Variants in DCX observed in about 807,000 individuals in gnomAD.
The protein encoded by DCX is doublecortin, also known as neuronal migration protein doublecortin.
DCX carries 4 observed loss-of-function variants against 20.9 expected under a neutral mutation model. The ratio of observed to expected loss-of-function variants is 0.19; its 90% CI spans 0.09 to 0.44. The LOEUF (loss-of-function observed/expected upper bound fraction) is 0.44, where lower values mean the gene tolerates loss of function less well. DCX is among the 20% of genes least tolerant of loss of function. The pLI is 0.99. For missense variants in DCX, 133 were observed against 296.9 expected (o/e 0.45, Z 4.06); for synonymous variants, 103 against 111.4 (o/e 0.92, Z 0.47).
intron 3 of DCX, among the ~76,000 whole-genome samples, chrX:111,360,455 T>C (rs746180212): frequency 7.6e-4 from 84 of 110,770 alleles, no homozygotes; most frequent in African/African-American, 2.6e-3. Context: ...GGAAGGGTAG[T>C]GGGGGTGGGG....
At chrX:111,396,775 C>T (rs922407278) in intron 3 of DCX, among the ~76,000 whole-genome samples, 2 of 111,829 alleles carry the variant, frequency 1.8e-5, no homozygotes, top group Non-Finnish European at 1.9e-5. Context: ...TATGCATCAC[C>T]ATCCAATCCT....
At chrX:111,373,471 G>A (rs760820695) in intron 3 of DCX, among the ~76,000 whole-genome samples, 1 of 111,971 alleles carries the variant, frequency 8.9e-6, no homozygotes, top group African/African-American at 3.2e-5. Context: ...GATGGTGTTT[G>A]TCGTCATTCG....
At chrX:111,375,648 A>G (rs1288761905) in intron 3 of DCX, among the ~76,000 whole-genome samples, 1 of 111,567 alleles carries the variant, frequency 9.0e-6, no homozygotes, top group African/African-American at 3.3e-5. Flanking sequence ...AAGCAAAAAC[A>G]TACTTTACAT....
In DCX at chrX:111,298,646, A is replaced by T. The variant is rs1047672876; in HGVS notation, c.*3041T>A. ...GTGTCTCGGTTTCCTGGCCTGAAGA[A>T]TGAGAAATTTGGAGTAGAGGAGTAG... On this transcript the variant is annotated 3_prime_UTR_variant, in exon 7 of 7. Coordinates refer to ENST00000636035, the MANE Select transcript of DCX (RefSeq NM_001195553.2). 1 of 112,011 alleles carries T rather than the reference A, an allele frequency of 8.9e-6. No individual in the cohort carries two copies. Among genetic ancestry groups the T allele is most frequent in the Non-Finnish European group, 1.9e-5 (1 of 53,186 alleles). 9.2% of individuals were successfully genotyped at this position (112,011 alleles called of 1,213,427 possible).
intron 3 of DCX, among the ~76,000 whole-genome samples, chrX:111,372,703 T>C (rs1030338721): frequency 9.9e-5 from 11 of 111,630 alleles, no homozygotes; most frequent in Non-Finnish European, 1.9e-4. Context: ...GTAAACTCTG[T>C]AGCTAAGTCT....
chrX:111,364,626 AT>A (rs778110303), intron 3 of DCX, among the ~76,000 whole-genome samples: 1 of 111,883 alleles, frequency 8.9e-6, no homozygotes, highest in Non-Finnish European at 1.9e-5. Context: ...ACAATATACC[AT>A]TTTTTTGTAA....
At chrX:111,353,723 T>G (rs1434791144) in intron 3 of DCX, among the ~76,000 whole-genome samples, 1 of 111,612 alleles carries the variant, frequency 9.0e-6, no homozygotes, top group African/African-American at 3.3e-5. Flanking sequence ...GTAGCATTCA[T>G]TCAGTGCTCA....
At chrX:111,365,084 A>ATTT (rs1195138674) in intron 3 of DCX, among the ~76,000 whole-genome samples, 3 of 103,356 alleles carry the variant, frequency 2.9e-5, no homozygotes, top group Admixed American at 1.1e-4. Context: ...TATTATTATT[A>ATTT]TTTTTATTTT....
intron 3 of DCX, among the ~76,000 whole-genome samples, chrX:111,382,240 G>A (rs760919725): frequency 8.9e-6 from 1 of 111,843 alleles, no homozygotes; most frequent in South Asian, 3.8e-4. Context: ...TGTTAAAAAT[G>A]CAAAATCTTG....
At chrX:111,312,821 G>T in intron 5 of DCX, 85 bp from the exon 6 acceptor site, 2 of 926,092 alleles carry the variant, frequency 2.2e-6, no homozygotes, top group South Asian at 2.0e-5. Flanking sequence ...AAGACACTAA[G>T]AACATTCAAA....
intron 5 of DCX, among the ~76,000 whole-genome samples, chrX:111,329,754 T>C (rs757334968): frequency 8.9e-6 from 1 of 111,851 alleles, no homozygotes; most frequent in East Asian, 2.9e-4. Flanking sequence ...GCTGGTAATA[T>C]GCATGCTCCT....
chrX:111,296,564 C>T lies in DCX; in HGVS notation c.*5123G>A, dbSNP rs2095021282. 1 of 110,215 alleles carries T rather than the reference C, an allele frequency of 9.1e-6. No homozygotes were observed. The highest frequency in any genetic ancestry group is 3.3e-5 in the African/African-American group (1 of 30,149). The allele number at this position is 110,215 out of a possible 1,213,427, so 9.1% of individuals were successfully genotyped here. ...GGCCAAGAGTTCAAGACCAGTCTGGCCAACATGGTGAAACCCCATCTCTAC... is the reference window on the plus strand; with the variant it reads ...GGCCAAGAGTTCAAGACCAGTCTGGTCAACATGGTGAAACCCCATCTCTAC... On this transcript the variant is annotated 3_prime_UTR_variant, in exon 7 of 7. Coordinates refer to ENST00000636035, the MANE Select transcript of DCX (RefSeq NM_001195553.2).
intron 5 of DCX, among the ~76,000 whole-genome samples, chrX:111,330,642 A>G (rs1921131868): frequency 8.9e-6 from 1 of 111,969 alleles, no homozygotes; most frequent in African/African-American, 3.2e-5. Flanking sequence ...GATGATGAAA[A>G]TGATGACAAC....
intron 3 of DCX, among the ~76,000 whole-genome samples, chrX:111,345,346 G>A (rs35660572): frequency 1.8e-5 from 2 of 111,778 alleles, no homozygotes; most frequent in African/African-American, 6.5e-5. Context: ...AAGACTTCAC[G>A]ACAAAAACGT....
At position 111,390,688 on chromosome X, in the gene DCX, T is replaced by C. The variant is rs137929630; in HGVS notation, c.705+10302A>G. ...TACTCAAACTGCATATCTGATCATA[T>C]AATTCCCCTGCTTAAAATCCTTCAG... On this transcript the variant is annotated intron_variant, in intron 3 of 6. Transcript: ENST00000636035. Among the ~76,000 whole-genome samples the C allele has an allele frequency of 2.4e-3, 270 of 111,358 alleles. 1 individual carries two copies. Among genetic ancestry groups the C allele is most frequent in the African/African-American group, 8.4e-3 (257 of 30,636 alleles).
At chrX:111,402,805 GT>G (rs1927913192) in intron 2 of DCX, among the ~76,000 whole-genome samples, 1 of 107,232 alleles carries the variant, frequency 9.3e-6, no homozygotes, top group Non-Finnish European at 1.9e-5. Context: ...GTGTGTGTGT[GT>G]GTGTGTGTGT....
At chrX:111,392,681 A>C (rs1927040991) in intron 3 of DCX, among the ~76,000 whole-genome samples, 2 of 111,896 alleles carry the variant, frequency 1.8e-5, no homozygotes, top group South Asian at 7.5e-4. Context: ...AGGTAATAAA[A>C]ATATTCTAAA....
chrX:111,313,926 A>T (rs868047135), intron 5 of DCX, among the ~76,000 whole-genome samples: 3 of 108,293 alleles, frequency 2.8e-5, no homozygotes, highest in Non-Finnish European at 5.7e-5. Flanking sequence ...GGGGAGGGAG[A>T]CAGAGAGAAT....
intron 3 of DCX, among the ~76,000 whole-genome samples, chrX:111,380,345 A>G (rs979528371): frequency 9.0e-6 from 1 of 111,713 alleles, no homozygotes; most frequent in Non-Finnish European, 1.9e-5. Context: ...TAATTTTTAT[A>G]TATGCTGTGA....
Sources: gnomAD v4.1 joint callset for allele counts (sites outside exome capture counted in the v4.1 genomes callset) on GRCh38, gnomAD v4.1.1 for gene constraint, MANE v1.5 for transcripts, NCBI Gene and HGNC (gene_info 2026-07-23, HGNC 2026-07-21) for gene names.